The following SLC39A7 variants were observed in gnomAD, a reference collection of about 807,000 sequenced individuals.
SLC39A7 encodes the protein solute carrier family 39 member 7.
A neutral mutation model predicts 39.7 loss-of-function variants in SLC39A7; 25 were observed. The observed-to-expected ratio is 0.63, with a 90% CI of 0.46 to 0.88. The LOEUF (loss-of-function observed/expected upper bound fraction) is 0.88, where lower values mean the gene tolerates loss of function less well. Ranked by LOEUF, SLC39A7 falls within the 40% of genes least tolerant of loss-of-function variation. SLC39A7 has a pLI of 0.00. For synonymous variants in SLC39A7, 181 were observed against 234.1 expected (o/e 0.77, Z 2.07); for missense variants, 501 against 592.1 (o/e 0.85, Z 1.60).
In SLC39A7 at chr6:33,201,749, T is replaced by TG; in HGVS notation, c.421dup (p.Ala141GlyfsTer54). 6.2e-7 allele frequency: 1 copy of TG among 1,614,140 alleles called. No homozygotes were observed. Among genetic ancestry groups the TG allele is most frequent in the Non-Finnish European group, 8.5e-7 (1 of 1,180,026 alleles). On this transcript the variant is annotated frameshift_variant, in exon 2 of 7. Transcript: ENST00000374677. LOFTEE classifies it high-confidence loss of function. The surrounding 1 kb of genome is among the most constrained non-coding windows in gnomAD (Gnocchi z 5.9). ...ACCTTGACTCTCCCTCACCAGGCAC[T>TG]GGGGGCCACAGTGCTGATCTCAGCA...
At position 33,201,341 on chromosome 6, in the gene SLC39A7, C is replaced by T; in HGVS notation, c.96C>T (p.Asp32=). 1.2e-6 allele frequency: 2 copies of T among 1,614,078 alleles called. No homozygotes were observed. Among genetic ancestry groups the T allele is most frequent in the Non-Finnish European group, 8.5e-7 (1 of 1,179,998 alleles). ...TGGTGGCTGGACTCGGGGGTCATGA[C>T]GACCTGCACGACGATCTGCAAGAGG... is the stretch of plus-strand genomic sequence containing the variant. The part of the protein sequence containing the change: ...GLLVAGLGGH[D]DLHDDLQEDF... Residue 32 remains aspartate (D), a synonymous_variant, in exon 1 of 7, where the codon GAC becomes GAT. Transcript: ENST00000374677. The surrounding 1 kb of genome is among the most constrained non-coding windows in gnomAD (Gnocchi z 5.9).
intron 4 of SLC39A7, 53 bp from the exon 5 acceptor site, chr6:33,202,507 G>C: frequency 6.3e-7 from 1 of 1,594,062 alleles, no homozygotes; most frequent in South Asian, 1.1e-5. Flanking sequence ...AGGAGGGAGA[G>C]GACATGTTGG....
chr6:33,201,101 T>C lies in SLC39A7; in HGVS notation c.-145T>C, dbSNP rs1040595016. ...GGTTCGGGATAAAGAGAACTAGTCT[T>C]GGGAACAATGTAGGTGGGAACTTAA... On this transcript the variant is annotated 5_prime_UTR_variant, in exon 1 of 7. Coordinates refer to ENST00000374677, the MANE Select transcript of SLC39A7 (RefSeq NM_006979.3). The surrounding 1 kb of genome is among the most constrained non-coding windows in gnomAD (Gnocchi z 5.9). The C allele has an allele frequency of 1.1e-6, 1 of 880,190 alleles. No individual in the cohort carries two copies. Among genetic ancestry groups the C allele is most frequent in the African/African-American group, 1.7e-5 (1 of 59,856 alleles). The allele number at this position is 880,190 out of a possible 1,614,324, so 54.5% of individuals were successfully genotyped here. A position where few individuals can be genotyped will look rare whatever the true frequency, so the allele number is the denominator to read the frequency against.
intron 3 of SLC39A7, 41 bp downstream of exon 3, chr6:33,202,166 G>A (rs1445188740): frequency 6.2e-7 from 1 of 1,608,230 alleles, no homozygotes; most frequent in Non-Finnish European, 8.5e-7. Flanking sequence ...GGGGTGCTGG[G>A]GAAGGTCCGT....
Position 33,203,918 on chromosome 6 carries a change from C to A in SLC39A7, c.*105C>A. The A allele has an allele frequency of 8.6e-7, 1 of 1,157,448 alleles. No individual in the cohort carries two copies. The highest frequency in any genetic ancestry group is 1.2e-6 in the Non-Finnish European group (1 of 801,512). The allele number at this position is 1,157,448 out of a possible 1,614,324, so 71.7% of individuals were successfully genotyped here. On this transcript the variant is annotated 3_prime_UTR_variant, in exon 7 of 7. Transcript: ENST00000374677. ...CAGGGACATCTGCCAAAGGAAGGAA[C>A]TGTAGCCTGGGAGAATGGTTACTTT...
At chr6:33,202,203 T>G in intron 3 of SLC39A7, 60 bp from the exon 4 acceptor site, 1 of 1,591,560 alleles carries the variant, frequency 6.3e-7, no homozygotes, top group Admixed American at 1.7e-5. Flanking sequence ...CCTCCCGCAC[T>G]TGAGGAGGAG....
At position 33,204,108 on chromosome 6, in the gene SLC39A7, C is replaced by G. The variant is rs1774830031; in HGVS notation, c.*295C>G. 3.6e-6 allele frequency: 2 copies of G among 554,986 alleles called. No individual in the cohort carries two copies. Among genetic ancestry groups the G allele is most frequent in the East Asian group, 3.0e-5 (1 of 33,054 alleles). The allele number at this position is 554,986 out of a possible 1,614,324, so 34.4% of individuals were successfully genotyped here. A position where few individuals can be genotyped will look rare whatever the true frequency, so the allele number is the denominator to read the frequency against. On this transcript the variant is annotated 3_prime_UTR_variant, in exon 7 of 7. Coordinates refer to ENST00000374677, the MANE Select transcript of SLC39A7 (RefSeq NM_006979.3). ...GGGACAGGGGGTGATGGCAGCCTAC[C>G]TGGTGTCCCCTACCCCACCTGTTCT...
Position 33,204,007 on chromosome 6 carries a change from G to C in SLC39A7, c.*194G>C, listed in dbSNP as rs1472827680. On this transcript the variant is annotated 3_prime_UTR_variant, in exon 7 of 7. Transcript: ENST00000374677. ...CTGGAGCGGTGAGAATGAGAGGCCA[G>C]AGGGACCATAGTGTTGGGCACTGTC... The C allele has an allele frequency of 3.2e-6, 2 of 619,132 alleles. No homozygotes were observed. Among genetic ancestry groups the C allele is most frequent in the African/African-American group, 1.8e-5 (1 of 54,252 alleles). 38.4% of individuals were successfully genotyped at this position (619,132 alleles called of 1,614,324 possible).
chr6:33,201,238 T>C lies in SLC39A7; in HGVS notation c.-8T>C. On this transcript the variant is annotated 5_prime_UTR_variant, in exon 1 of 7. Coordinates refer to ENST00000374677, the MANE Select transcript of SLC39A7 (RefSeq NM_006979.3). The surrounding 1 kb of genome is among the most constrained non-coding windows in gnomAD (Gnocchi z 5.9). The stretch of plus-strand genomic sequence containing the variant: ...GGAGTCACTGCCTCTGTCCCTCTGG[T>C]CAGCGTGATGGCCAGAGGCCTGGGG... The C allele has an allele frequency of 6.2e-7, 1 of 1,604,954 alleles. No individual in the cohort carries two copies. Among genetic ancestry groups the C allele is most frequent in the East Asian group, 2.2e-5 (1 of 44,786 alleles).
In SLC39A7 at chr6:33,202,676, G is replaced by T. The variant is rs753388445; in HGVS notation, c.916G>T (p.Ala306Ser). ...PKDGPVRPQN[A>S]EEEKRGLDLR... ...AGATGGGCCAGTGAGACCTCAGAAC[G>T]CTGAAGAAGAAAAAAGAGGCTTAGG... Residue 306 changes from alanine (A) to serine (S), a missense_variant, in exon 5 of 7, where the codon GCT (alanine) becomes TCT (serine). Physicochemically the swap from Ala to Ser is moderately conservative, Grantham distance 99 (BLOSUM62 1). Coordinates refer to ENST00000374677, the MANE Select transcript of SLC39A7 (RefSeq NM_006979.3). 6.3e-7 allele frequency: 1 copy of T among 1,599,172 alleles called. No homozygotes were observed. The highest frequency in any genetic ancestry group is 2.2e-5 in the East Asian group (1 of 44,836).
intron 2 of SLC39A7, 30 bp from the exon 3 acceptor site, chr6:33,202,042 C>T (rs769573327): frequency 2.5e-5 from 41 of 1,610,128 alleles, no homozygotes; most frequent in South Asian, 2.3e-4. Flanking sequence ...GTCAGATATT[C>T]CCTCATCTGG....
In SLC39A7 at chr6:33,203,879, T is replaced by C. The variant is rs927259802; in HGVS notation, c.*66T>C. 1.3e-6 allele frequency: 2 copies of C among 1,538,572 alleles called. No homozygotes were observed. The highest frequency in any genetic ancestry group is 2.3e-5 in the East Asian group (1 of 44,274). ...ACTCCAGGTCAGGGGTGCGTAGAGG[T>C]TGGGGGCCCTGGCCAGGGACATCTG... is the stretch of plus-strand genomic sequence containing the variant. On this transcript the variant is annotated 3_prime_UTR_variant, in exon 7 of 7. Transcript: ENST00000374677.
rs548781525 is a variant in SLC39A7, at chr6:33,202,046, C to T, written c.581-26C>T. On this transcript the variant is annotated intron_variant, in intron 2 of 6. Transcript: ENST00000374677. The stretch of plus-strand genomic sequence containing the variant: ...ACACTCATTGTGTCAGATATTCCCT[C>T]ATCTGGTTTTCCCCCCTTCTTCCAG... 3.1e-6 allele frequency: 5 copies of T among 1,611,284 alleles called. No homozygotes were observed. In the Admixed American group the frequency reaches 6.7e-5, roughly 21 times the overall value.
At position 33,203,715 on chromosome 6, in the gene SLC39A7, G is replaced by A. The variant is rs1365837809; in HGVS notation, c.1312G>A (p.Glu438Lys). 7 of 1,614,098 alleles carry A rather than the reference G, an allele frequency of 4.3e-6. No homozygotes were observed. In the Admixed American group the frequency reaches 5.0e-5, roughly 12 times the overall value. Residue 438 changes from glutamate (E) to lysine (K), a missense_variant, in exon 7 of 7, where the codon GAG becomes AAG. Coordinates refer to ENST00000374677, the MANE Select transcript of SLC39A7 (RefSeq NM_006979.3). ...CGTAGCAACAGTGTCTGTGTTGCCC[G>A]AGCTGCTGAGGGAGGCATCACCATT... is the stretch of plus-strand genomic sequence containing the variant. ...IYVATVSVLP[E>K]LLREASPLQS...
At chr6:33,203,438 T>C in intron 6 of SLC39A7, 103 bp from the exon 7 acceptor site, 1 of 1,193,958 alleles carries the variant, frequency 8.4e-7, no homozygotes, top group Non-Finnish European at 1.2e-6. Context: ...GATGTTTAGT[T>C]TCCAAATCCA....
rs374160118 is a variant in SLC39A7 at position 33,202,952 on chromosome 6, C to T, written c.983C>T (p.Ala328Val). The change falls in exon 6 of 7, where the codon GCA becomes GTA. Residue 328 changes from alanine to valine, a missense_variant. Coordinates refer to ENST00000374677, the MANE Select transcript of SLC39A7 (RefSeq NM_006979.3). ...SGYLNLAADL[A>V]HNFTDGLAIG... ...TACCTGAATCTGGCTGCTGACTTGG[C>T]ACACAACTTCACTGATGGTCTGGCC... The T allele has an allele frequency of 1.3e-4, 214 of 1,612,034 alleles. No homozygotes were observed. Among genetic ancestry groups the T allele is most frequent in the Non-Finnish European group, 1.8e-4 (208 of 1,179,748 alleles).
In SLC39A7 at chr6:33,203,097, C is replaced by CAAAAAAAAAA; in HGVS notation, c.1133_1134insAAAAAAAAAA (p.Gln379LysfsTer27). The CAAAAAAAAAA allele has an allele frequency of 6.3e-7, 1 of 1,584,962 alleles. No individual in the cohort carries two copies. The highest frequency in any genetic ancestry group is 1.9e-5 in the Admixed American group (1 of 52,966). On this transcript the variant is annotated frameshift_variant, in exon 6 of 7. Coordinates refer to ENST00000374677, the MANE Select transcript of SLC39A7 (RefSeq NM_006979.3). LOFTEE classifies it high-confidence loss of function. ...CCATCTTGGTCCAGTCTGGCTGCAG[C>CAAAAAAAAAA]AAAAAGCAGGTTGGTGATGTCTGCC...
chr6:33,202,884 C>G, intron 5 of SLC39A7, 26 bp from the exon 6 acceptor site: 1 of 1,594,012 alleles, frequency 6.3e-7, no homozygotes, highest in Non-Finnish European at 8.5e-7. Flanking sequence ...AGCCTCTGAT[C>G]ATTTTCTCTT....
rs755094577 is a variant in SLC39A7 at position 33,202,994 on chromosome 6, G to A, written c.1025G>A (p.Arg342Gln). The A allele has an allele frequency of 3.1e-6, 5 of 1,612,586 alleles. No individual in the cohort carries two copies. The African/African-American group carries it at 4.0e-5, about 13-fold the overall frequency. ...GGTCTGGCCATTGGGGCTTCCTTTC[G>A]AGGGGGCCGGGGACTAGGGATCCTG... ...TDGLAIGASF[R>Q]GGRGLGILTT... is the part of the protein sequence containing the mutation. The change falls in exon 6 of 7, where the codon CGA becomes CAA. Residue 342 changes from arginine (R) to glutamine (Q), a missense_variant. Coordinates refer to ENST00000374677, the MANE Select transcript of SLC39A7 (RefSeq NM_006979.3).
Sources: gnomAD v4.1 joint callset for allele counts on GRCh38, gnomAD v4.1.1 for gene constraint, Gnocchi (gnomAD v3.1) non-coding constraint, MANE v1.5 for transcripts, NCBI Gene and HGNC (gene_info 2026-07-23, HGNC 2026-07-21) for gene names.